DPP10: variants seen among roughly 807,000 people sequenced by gnomAD.
DPP10 encodes the protein inactive dipeptidyl peptidase 10.
In DPP10, 33 loss-of-function variants were observed where a neutral mutation model predicts 120.9. The ratio of observed to expected loss-of-function variants is 0.27; its 90% CI spans 0.21 to 0.37. The LOEUF (loss-of-function observed/expected upper bound fraction) is 0.37. DPP10 is among the 10% of genes least tolerant of loss of function. The pLI, the probability that DPP10 is intolerant of heterozygous loss-of-function variation, is 1.00. For missense variants in DPP10, 816 were observed against 942.8 expected (o/e 0.87, Z 1.76); for synonymous variants, 337 against 326.1 (o/e 1.03, Z -0.36).
chr2:115,609,180 A>G (rs891736469), intron 5 of DPP10, among the ~76,000 whole-genome samples: 2 of 152,178 alleles, frequency 1.3e-5, no homozygotes, highest in Non-Finnish European at 2.9e-5. Flanking sequence ...TAGACATTAG[A>G]AGACATTAAA....
intron 1 of DPP10, among the ~76,000 whole-genome samples, chr2:115,220,788 A>G (rs1248695870): frequency 6.6e-6 from 1 of 152,122 alleles, no homozygotes; most frequent in Non-Finnish European, 1.5e-5. Flanking sequence ...GGGAAATACA[A>G]CAATAATTTG....
chr2:115,533,504 G>T (rs2078599743), intron 5 of DPP10, among the ~76,000 whole-genome samples: 1 of 152,060 alleles, frequency 6.6e-6, no homozygotes, highest in Non-Finnish European at 1.5e-5. Context: ...AAGTAATCCT[G>T]TAAAATGCAT....
At chr2:115,470,087 A>G (rs774032781) in intron 3 of DPP10, among the ~76,000 whole-genome samples, 2 of 152,146 alleles carry the variant, frequency 1.3e-5, no homozygotes, top group African/African-American at 4.8e-5. Flanking sequence ...GGAATTTTCA[A>G]AATATGAATT....
intron 3 of DPP10, among the ~76,000 whole-genome samples, chr2:115,439,405 G>T (rs1051281950): frequency 4.6e-5 from 7 of 152,188 alleles, no homozygotes; most frequent in Non-Finnish European, 1.0e-4. Context: ...GATGATGTTT[G>T]CACTGCAGTG....
chr2:114,805,122 G>A (rs756592661), intron 1 of DPP10, among the ~76,000 whole-genome samples: 24 of 152,162 alleles, frequency 1.6e-4, no homozygotes, highest in East Asian at 5.8e-4. Flanking sequence ...TTCTCTTGCC[G>A]CCATGAAGTA....
chr2:115,529,110 G>T (rs1007994950), intron 5 of DPP10, among the ~76,000 whole-genome samples: 9 of 151,822 alleles, frequency 5.9e-5, no homozygotes, highest in African/African-American at 2.2e-4. Context: ...CAAAATAAAA[G>T]ATTTTAACTT....
intron 5 of DPP10, among the ~76,000 whole-genome samples, chr2:115,543,763 C>T (rs895146280): frequency 6.6e-6 from 1 of 151,862 alleles, no homozygotes; most frequent in Non-Finnish European, 1.5e-5. Context: ...GTGTGAATGT[C>T]GCTGTTGCTG....
chr2:115,675,960 T>C (rs4365472), intron 5 of DPP10, among the ~76,000 whole-genome samples: 149,603 of 152,246 alleles, frequency 0.98, 73,555 homozygotes, highest in Middle Eastern at 1. Context: ...ATAGTTCAGC[T>C]GTGACTGTTG....
intron 1 of DPP10, among the ~76,000 whole-genome samples, chr2:114,657,024 A>C (rs1205422843): frequency 6.6e-6 from 1 of 152,190 alleles, no homozygotes; most frequent in Admixed American, 6.5e-5. Flanking sequence ...TGGGAAGATC[A>C]TAAATCTGGG....
intron 1 of DPP10, among the ~76,000 whole-genome samples, chr2:114,998,778 A>G (rs1323806495): frequency 6.6e-6 from 1 of 152,184 alleles, no homozygotes; most frequent in African/African-American, 2.4e-5. Context: ...CGCACAGAGG[A>G]AAACTGCATG....
At chr2:114,646,260 G>A (rs909044028) in intron 1 of DPP10, among the ~76,000 whole-genome samples, 2 of 152,076 alleles carry the variant, frequency 1.3e-5, no homozygotes, top group African/African-American at 4.8e-5. Context: ...GTGCAATGGG[G>A]AGTAAAGCCA....
Position 114,835,970 on chromosome 2 carries a change from A to G in DPP10, c.60+393132A>G, listed in dbSNP as rs556956391. ...ATAGCCTTATCTTCTTTTGCCCTTTATCCTCTTCCCACATTTAAACTAGGA... is the reference window on the plus strand; with the variant it reads ...ATAGCCTTATCTTCTTTTGCCCTTTGTCCTCTTCCCACATTTAAACTAGGA... On this transcript the variant is annotated intron_variant, in intron 1 of 25. Transcript: ENST00000410059. Among the ~76,000 whole-genome samples the G allele has an allele frequency of 1.2e-4, 18 of 152,250 alleles. No individual in the cohort carries two copies. In the South Asian group the frequency reaches 2.5e-3, roughly 21 times the overall value.
intron 1 of DPP10, among the ~76,000 whole-genome samples, chr2:114,995,963 C>A (rs1041152671): frequency 4.6e-5 from 7 of 152,102 alleles, no homozygotes; most frequent in African/African-American, 1.7e-4. Flanking sequence ...GAAAGTCATG[C>A]ACTCAAGATA....
intron 5 of DPP10, among the ~76,000 whole-genome samples, chr2:115,677,590 A>G (rs1013658390): frequency 6.6e-6 from 1 of 152,232 alleles, no homozygotes; most frequent in South Asian, 2.1e-4. Flanking sequence ...AAGATATTTC[A>G]TACAAATGGA....
intron 19 of DPP10, among the ~76,000 whole-genome samples, chr2:115,807,291 C>G (rs961726218): frequency 1.3e-5 from 2 of 152,108 alleles, no homozygotes; most frequent in East Asian, 3.9e-4. Flanking sequence ...CCCTGAGGTC[C>G]TTTTCTATTG....
At chr2:115,224,969 C>T (rs1447932196) in intron 1 of DPP10, among the ~76,000 whole-genome samples, 1 of 152,114 alleles carries the variant, frequency 6.6e-6, no homozygotes, top group Non-Finnish European at 1.5e-5. Flanking sequence ...TCACACAGTA[C>T]TGCCAGAGCT....
At chr2:114,823,509 C>T (rs1393598263) in intron 1 of DPP10, among the ~76,000 whole-genome samples, 24 of 152,124 alleles carry the variant, frequency 1.6e-4, no homozygotes, top group Admixed American at 1.6e-3. Context: ...ACTTATGATG[C>T]CCTGTAACCT....
chr2:114,813,984 A>ACACACG (rs1685408745), intron 1 of DPP10, among the ~76,000 whole-genome samples: 1 of 147,728 alleles, frequency 6.8e-6, no homozygotes, highest in African/African-American at 2.6e-5. Flanking sequence ...ACACACACAC[A>ACACACG]CACCACGAGC....
At chr2:115,609,333 G>GT (rs1384046670) in intron 5 of DPP10, among the ~76,000 whole-genome samples, 1 of 151,902 alleles carries the variant, frequency 6.6e-6, no homozygotes, top group Non-Finnish European at 1.5e-5. Flanking sequence ...TAGACAATAT[G>GT]TTGCGGGAAA....
Sources: allele counts gnomAD v4.1 joint callset (sites outside exome capture counted in the v4.1 genomes callset), GRCh38; gene constraint gnomAD v4.1.1; transcripts MANE v1.5; gene names NCBI Gene and HGNC (gene_info 2026-07-23, HGNC 2026-07-21).